The following CERS6 variants were observed in gnomAD, a reference collection of about 807,000 sequenced individuals.
The protein encoded by CERS6 is ceramide synthase 6.
In CERS6, 26 loss-of-function variants were observed where a neutral mutation model predicts 56.8. That is an observed-to-expected ratio of 0.46 (90% CI 0.34 to 0.63). CERS6 has a LOEUF of 0.63. Among genes scored for constraint, CERS6 ranks in the 30% least tolerant of loss-of-function variants. The pLI, the probability that CERS6 is intolerant of heterozygous loss-of-function variation, is 0.01. For missense variants in CERS6, 415 were observed against 467.5 expected (o/e 0.89, Z 1.04); for synonymous variants, 164 against 173.3 (o/e 0.95, Z 0.42).
intron 3 of CERS6, among the ~76,000 whole-genome samples, chr2:168,623,753 T>A (rs949336643): frequency 6.6e-6 from 1 of 152,178 alleles, no homozygotes; most frequent in Admixed American, 6.5e-5. Context: ...ACTCAAAAAA[T>A]AGGCAGTATA....
At chr2:168,643,991 G>T (rs887683572) in intron 4 of CERS6, among the ~76,000 whole-genome samples, 1 of 152,156 alleles carries the variant, frequency 6.6e-6, no homozygotes. Context: ...CTCTGAGAAG[G>T]CATTCGCTAG....
chr2:168,565,600 A>G (rs1416197841), intron 3 of CERS6, among the ~76,000 whole-genome samples: 1 of 152,252 alleles, frequency 6.6e-6, no homozygotes. Flanking sequence ...GCAGTGTGGA[A>G]TAGCACCAGT....
At chr2:168,594,083 A>G (rs953309053) in intron 3 of CERS6, among the ~76,000 whole-genome samples, 2 of 152,334 alleles carry the variant, frequency 1.3e-5, no homozygotes, top group Non-Finnish European at 2.9e-5. Flanking sequence ...GTTAATATTC[A>G]TGATTATTTC....
At chr2:168,546,202 G>A (rs574993223) in intron 1 of CERS6, among the ~76,000 whole-genome samples, 62 of 152,274 alleles carry the variant, frequency 4.1e-4, no homozygotes, top group African/African-American at 1.5e-3. Context: ...AGAGTCGTTA[G>A]GAAAAGGTTA....
intron 3 of CERS6, among the ~76,000 whole-genome samples, chr2:168,602,897 T>C (rs1683968805): frequency 6.6e-6 from 1 of 152,210 alleles, no homozygotes; most frequent in African/African-American, 2.4e-5. Flanking sequence ...GGGAAATTCT[T>C]TGGGGGCACT....
chr2:168,593,524 G>GTGTGT (rs1403597115), intron 3 of CERS6, among the ~76,000 whole-genome samples: 1 of 140,212 alleles, frequency 7.1e-6, no homozygotes, highest in Non-Finnish European at 1.5e-5. Context: ...TTGAGTTTCT[G>GTGTGT]TGTGTTTTGT....
intron 4 of CERS6, among the ~76,000 whole-genome samples, chr2:168,648,616 G>C (rs1685261794): frequency 6.6e-6 from 1 of 152,072 alleles, no homozygotes; most frequent in Non-Finnish European, 1.5e-5. Flanking sequence ...TATGATGTTA[G>C]GTTGTTAATT....
rs189239926 is a variant in CERS6, at chr2:168,603,394, G to A, written c.408-27591G>A. On this transcript the variant is annotated intron_variant, in intron 3 of 9. Transcript: ENST00000305747. ...CAGTGAATATTTGCAGCCTTTATGG[G>A]AAATAACTACAGAGAATGACTATCA... Among the ~76,000 whole-genome samples the A allele has an allele frequency of 4.9e-3, 750 of 152,280 alleles. 3 individuals are homozygous for A. The highest frequency in any genetic ancestry group is 7.7e-3 in the Non-Finnish European group (525 of 68,008).
intron 4 of CERS6, among the ~76,000 whole-genome samples, chr2:168,668,727 T>C (rs1252462814): frequency 6.6e-6 from 1 of 152,198 alleles, no homozygotes; most frequent in Non-Finnish European, 1.5e-5. Context: ...GTGCTGGGAT[T>C]ACAGCTGTGA....
intron 1 of CERS6, among the ~76,000 whole-genome samples, chr2:168,510,820 A>G (rs995857888): frequency 6.6e-6 from 1 of 152,170 alleles, no homozygotes; most frequent in Non-Finnish European, 1.5e-5. Context: ...TTTTACGTGC[A>G]TTAACTAACT....
chr2:168,632,398 G>C (rs1303952488), intron 4 of CERS6, among the ~76,000 whole-genome samples: 1 of 152,064 alleles, frequency 6.6e-6, no homozygotes, highest in East Asian at 1.9e-4. Context: ...GTCCGCCTGT[G>C]GTGAATTCTA....
intron 1 of CERS6, among the ~76,000 whole-genome samples, chr2:168,542,466 CAT>C (rs1426128231): frequency 6.6e-6 from 1 of 152,186 alleles, no homozygotes; most frequent in African/African-American, 2.4e-5. Flanking sequence ...AATTTTATCA[CAT>C]GTGTAGGTTT....
intron 1 of CERS6, among the ~76,000 whole-genome samples, chr2:168,516,528 T>C (rs906259667): frequency 6.6e-6 from 1 of 152,154 alleles, no homozygotes; most frequent in African/African-American, 2.4e-5. Context: ...AGTTGTTCAA[T>C]CTCCCTGTGC....
At chr2:168,639,091 A>G (rs529387761) in intron 4 of CERS6, among the ~76,000 whole-genome samples, 1 of 152,212 alleles carries the variant, frequency 6.6e-6, no homozygotes, top group Non-Finnish European at 1.5e-5. Flanking sequence ...ACTCACTTAA[A>G]TATGATTTTC....
intron 2 of CERS6, among the ~76,000 whole-genome samples, chr2:168,560,931 T>C (rs1391489520): frequency 6.6e-6 from 1 of 152,162 alleles, no homozygotes; most frequent in Non-Finnish European, 1.5e-5. Context: ...AGCACATTGC[T>C]GATGAGGAGA....
In CERS6 at chr2:168,715,101, T is replaced by C; in HGVS notation, c.710T>C (p.Leu237Pro). 6.2e-7 allele frequency: 1 copy of C among 1,612,650 alleles called. No individual in the cohort carries two copies. Among genetic ancestry groups the C allele is most frequent in the Non-Finnish European group, 8.5e-7 (1 of 1,179,274 alleles). The change falls in exon 7 of 10, where the codon CTT (leucine) becomes CCT (proline). Residue 237 changes from leucine (L) to proline (P), a missense_variant. Leu to Pro is a moderately conservative substitution (Grantham distance 98). Coordinates refer to ENST00000305747, the MANE Select transcript of CERS6 (RefSeq NM_203463.3). ...CGAGTAGGAACGCTGGTCCTTTGTC[T>C]TCATGATTCAGCTGATGCTCTTCTG... ...MARVGTLVLCLHDSADALLEA... is the reference protein window; with the variant it reads ...MARVGTLVLCPHDSADALLEA...
intron 4 of CERS6, among the ~76,000 whole-genome samples, chr2:168,677,506 AT>A (rs1686094396): frequency 6.6e-6 from 1 of 151,064 alleles, no homozygotes; most frequent in Non-Finnish European, 1.5e-5. Context: ...CATTTTTTTT[AT>A]TTTTTATGAG....
chr2:168,460,123 G>A (rs1693751913), intron 1 of CERS6, among the ~76,000 whole-genome samples: 1 of 152,000 alleles, frequency 6.6e-6, no homozygotes, highest in Admixed American at 6.6e-5. Context: ...TTTGATTCCT[G>A]TGGATCATCT....
chr2:168,528,709 A>G (rs1695113373), intron 1 of CERS6, among the ~76,000 whole-genome samples: 1 of 152,292 alleles, frequency 6.6e-6, no homozygotes, highest in Non-Finnish European at 1.5e-5. Flanking sequence ...TATGAGGGAA[A>G]CAAACAGACA....
Sources: allele counts gnomAD v4.1 joint callset (sites outside exome capture counted in the v4.1 genomes callset), GRCh38; gene constraint gnomAD v4.1.1; transcripts MANE v1.5; gene names NCBI Gene and HGNC (gene_info 2026-07-23, HGNC 2026-07-21).